Variants in XRCC4 observed in about 807,000 individuals in gnomAD.
XRCC4 encodes the protein DNA repair protein XRCC4.
In XRCC4, 28 loss-of-function variants were observed where a neutral mutation model predicts 39.1. That is an observed-to-expected ratio of 0.72 (90% CI 0.53 to 0.98). The LOEUF is 0.98. XRCC4 is among the 50% of genes least tolerant of loss of function. The pLI, the probability that XRCC4 is intolerant of heterozygous loss-of-function variation, is 0.00. For missense variants in XRCC4, 350 were observed against 376.4 expected (o/e 0.93, Z 0.58); for synonymous variants, 123 against 126.4 (o/e 0.97, Z 0.18).
chr5:83,146,816 C>T (rs916862005), intron 3 of XRCC4, among the ~76,000 whole-genome samples: 3 of 152,068 alleles, frequency 2.0e-5, no homozygotes, highest in African/African-American at 7.2e-5. Context: ...TTTTCTTTTT[C>T]CCCGAGTCCA....
intron 7 of XRCC4, among the ~76,000 whole-genome samples, chr5:83,267,210 G>A (rs1185987047): frequency 6.6e-6 from 1 of 152,122 alleles, no homozygotes; most frequent in Non-Finnish European, 1.5e-5. Context: ...GATGAATGTT[G>A]TTTCTAAAGG....
chr5:83,270,128 G>T (rs112678970), intron 7 of XRCC4, among the ~76,000 whole-genome samples: 5,582 of 152,148 alleles, frequency 0.037, 337 homozygotes, highest in African/African-American at 0.13. Context: ...TTCACAATAG[G>T]ATTTGTGCTC....
chr5:83,347,645 T>G (rs1311134074), intron 7 of XRCC4, among the ~76,000 whole-genome samples: 1 of 152,144 alleles, frequency 6.6e-6, no homozygotes, highest in Non-Finnish European at 1.5e-5. Context: ...GAGATTTGGG[T>G]GCAGACACAA....
At chr5:83,318,028 T>C (rs1755935720) in intron 7 of XRCC4, among the ~76,000 whole-genome samples, 1 of 132,086 alleles carries the variant, frequency 7.6e-6, no homozygotes, top group South Asian at 2.3e-4. Flanking sequence ...GCTTCATCCC[T>C]GGGATGCAAG....
Position 83,258,847 on chromosome 5 carries a change from A to ATTTGG in XRCC4, c.893+173_893+174insGGTTT, listed in dbSNP as rs28360232. The ATTTGG allele has an allele frequency of 8.3e-5, 73 of 874,704 alleles. 1 individual carries two copies. The African/African-American group carries it at 1.0e-3, about 12-fold the overall frequency. The allele number at this position is 874,704 out of a possible 1,614,324, so 54.2% of individuals were successfully genotyped here. A position where few individuals can be genotyped will look rare whatever the true frequency, so the allele number is the denominator to read the frequency against. ...AATGTATTGTTTCAGTATTTGGTTA[A>ATTTGG]TTTCTATTAATATTTAAAGCTGAAA... On this transcript the variant is annotated intron_variant, in intron 7 of 7. Coordinates refer to ENST00000396027, the MANE Select transcript of XRCC4 (RefSeq NM_003401.5).
intron 7 of XRCC4, among the ~76,000 whole-genome samples, chr5:83,265,909 A>G (rs1753938042): frequency 6.6e-6 from 1 of 152,044 alleles, no homozygotes; most frequent in African/African-American, 2.4e-5. Context: ...CCCCTAGGCT[A>G]TTACGTACAT....
At chr5:83,367,168 A>G in the XRCC4 span, among the ~76,000 whole-genome samples, 2 of 151,816 alleles carry the variant, frequency 1.3e-5, no homozygotes, top group African/African-American at 2.4e-5. Flanking sequence ...TACAAGAGCA[A>G]TAAGTCATAG....
intron 3 of XRCC4, among the ~76,000 whole-genome samples, chr5:83,128,099 A>G (rs973690661): frequency 1.3e-5 from 2 of 151,994 alleles, no homozygotes; most frequent in African/African-American, 4.8e-5. Context: ...CATTAGGTAT[A>G]TCTCCTAATG....
downstream of XRCC4, among the ~76,000 whole-genome samples, chr5:83,357,361 G>C (rs1208598920): frequency 6.6e-6 from 1 of 152,150 alleles, no homozygotes; most frequent in Admixed American, 6.6e-5. Flanking sequence ...ATATGAAGGA[G>C]TGGTAGTCCA....
intron 6 of XRCC4, among the ~76,000 whole-genome samples, chr5:83,251,514 A>C (rs547852313): frequency 1.0e-3 from 132 of 132,250 alleles, no homozygotes; most frequent in Non-Finnish European, 1.7e-3. Context: ...ACAGAACGAG[A>C]CTCCGTCTCA....
intron 7 of XRCC4, among the ~76,000 whole-genome samples, chr5:83,287,565 G>A (rs1031948825): frequency 1.3e-5 from 2 of 151,810 alleles, no homozygotes; most frequent in East Asian, 3.9e-4. Context: ...AAATCTAATC[G>A]TAAAATCTTC....
chr5:83,365,537 G>GTGAGAC, the XRCC4 span, among the ~76,000 whole-genome samples: 2,587 of 152,256 alleles, frequency 0.017, 68 homozygotes, highest in African/African-American at 0.059. Flanking sequence ...TCCCAGAAGG[G>GTGAGAC]TGAGACACAT....
At chr5:83,114,564 C>A (rs1464052381) in intron 3 of XRCC4, among the ~76,000 whole-genome samples, 1 of 152,204 alleles carries the variant, frequency 6.6e-6, no homozygotes, top group Admixed American at 6.5e-5. Context: ...TCTGAGACCA[C>A]CTAAGCCTGG....
At chr5:83,276,378 A>C (rs1754334065) in intron 7 of XRCC4, among the ~76,000 whole-genome samples, 1 of 149,478 alleles carries the variant, frequency 6.7e-6, no homozygotes, top group Non-Finnish European at 1.5e-5. Flanking sequence ...CAGTATTGAG[A>C]GGTGAGACCT....
rs940226150 is a variant in XRCC4, at chr5:83,287,812, AT to A, written c.893+29139del. Among the ~76,000 whole-genome samples the A allele has an allele frequency of 2.6e-4, 40 of 151,474 alleles. 1 individual carries two copies. Among genetic ancestry groups the A allele is most frequent in the African/African-American group, 9.2e-4 (38 of 41,378 alleles). On this transcript the variant is annotated intron_variant, in intron 7 of 7. Transcript: ENST00000396027. ...ATTTCTGCCCTAATATTTATTATTT[AT>A]TTTCTTCTGCTTGCTGTAGGCTTAA... is the stretch of plus-strand genomic sequence containing the variant.
At chr5:83,311,049 A>C (rs1755693139) in intron 7 of XRCC4, 1 of 280,108 alleles carries the variant, frequency 3.6e-6, no homozygotes, top group African/African-American at 2.2e-5. Context: ...AAGAGAATAA[A>C]TTTTTATTGT....
intron 3 of XRCC4, among the ~76,000 whole-genome samples, chr5:83,153,429 A>G (rs552075287): frequency 2.4e-4 from 37 of 152,222 alleles, no homozygotes; most frequent in African/African-American, 8.2e-4. Flanking sequence ...TTGTTATTAT[A>G]TATTCCAGAT....
chr5:83,214,837 A>G (rs1190587273), intron 6 of XRCC4, among the ~76,000 whole-genome samples: 1 of 84,614 alleles, frequency 1.2e-5, no homozygotes, highest in African/African-American at 3.9e-5. Flanking sequence ...ACTCCTTCTC[A>G]AAAAAAAAAA....
At chr5:83,113,201 C>T (rs142277139) in intron 3 of XRCC4, among the ~76,000 whole-genome samples, 1,957 of 152,246 alleles carry the variant, frequency 0.013, 39 homozygotes, top group African/African-American at 0.044. Flanking sequence ...AGGCTACAGG[C>T]GCCATGCAAG....
Sources: allele counts gnomAD v4.1 joint callset (sites outside exome capture counted in the v4.1 genomes callset), GRCh38; gene constraint gnomAD v4.1.1; transcripts MANE v1.5; gene names NCBI Gene and HGNC (gene_info 2026-07-23, HGNC 2026-07-21).